The following FGF14 variants were observed in gnomAD, a reference collection of about 807,000 sequenced individuals.
FGF14 encodes the protein fibroblast growth factor 14, also known as fibroblast growth factor homologous factor 4.
Under a neutral mutation model 25.5 loss-of-function variants are expected in FGF14, and 5 were observed. That is an observed-to-expected ratio of 0.20 (90% CI 0.10 to 0.41). The LOEUF (loss-of-function observed/expected upper bound fraction) is 0.41. Among genes scored for constraint, FGF14 ranks in the 10% least tolerant of loss-of-function variants. FGF14 has a pLI of 1.00. For synonymous variants in FGF14, 138 were observed against 118.3 expected, an observed-to-expected ratio of 1.17 and a Z score of -1.08; for missense variants, 222 against 320.1, an observed-to-expected ratio of 0.69 and a Z score of 2.34.
chr13:101,992,438 A>T (rs571220456), intron 1 of FGF14, among the ~76,000 whole-genome samples: 1 of 152,288 alleles, frequency 6.6e-6, no homozygotes, highest in Admixed American at 6.5e-5. Flanking sequence ...CTAAGGGGCA[A>T]AATAAAACAA....
intron 1 of FGF14, among the ~76,000 whole-genome samples, chr13:102,308,961 G>C (rs1016502593): frequency 7.0e-6 from 1 of 143,072 alleles, no homozygotes; most frequent in Non-Finnish European, 1.5e-5. Flanking sequence ...CCTAGAAAAA[G>C]AGCACTCCAA....
intron 1 of FGF14, among the ~76,000 whole-genome samples, chr13:102,398,013 AGTGTGTGTGTGTGTGTGT>A (rs3067869): frequency 1.4e-5 from 2 of 147,152 alleles, no homozygotes; most frequent in African/African-American, 5.0e-5. Context: ...GACATTTAAG[AGTGTGTGTGTGTGTGTGT>A]GTGTGTGTGT....
chr13:101,999,938 T>G (rs998595935), intron 1 of FGF14, among the ~76,000 whole-genome samples: 1 of 152,214 alleles, frequency 6.6e-6, no homozygotes, highest in Non-Finnish European at 1.5e-5. Flanking sequence ...TTCAAAGCTA[T>G]TCTTAACTCT....
chr13:102,333,328 G>A (rs1325452007), intron 1 of FGF14, among the ~76,000 whole-genome samples: 1 of 152,150 alleles, frequency 6.6e-6, no homozygotes, highest in Non-Finnish European at 1.5e-5. Flanking sequence ...GTGAGAATAT[G>A]AGTCATAGAT....
At chr13:101,970,451 T>C (rs2037524017) in intron 1 of FGF14, among the ~76,000 whole-genome samples, 1 of 151,762 alleles carries the variant, frequency 6.6e-6, no homozygotes, top group African/African-American at 2.4e-5. Flanking sequence ...ATTCAGATCC[T>C]GGGATCTGCT....
intron 3 of FGF14, among the ~76,000 whole-genome samples, chr13:101,833,815 G>A (rs1306557659): frequency 1.3e-5 from 2 of 152,088 alleles, no homozygotes; most frequent in Admixed American, 6.6e-5. Flanking sequence ...TTCAAAGCCT[G>A]TCGTTGTGTC....
chr13:101,789,727 A>G lies in FGF14; in HGVS notation c.409-62917T>C, dbSNP rs556723642. On this transcript the variant is annotated intron_variant, in intron 3 of 4. Transcript: ENST00000376143. ...AGAAGACGAATTTTAAAACAAATAT[A>G]TGAAACTTTTTATAGATAGTATTAG... is the stretch of plus-strand genomic sequence containing the variant. Among the ~76,000 whole-genome samples the G allele has an allele frequency of 3.9e-5, 6 of 152,194 alleles. No individual in the cohort carries two copies. In the South Asian group the frequency reaches 1.0e-3, roughly 26 times the overall value.
intron 1 of FGF14, among the ~76,000 whole-genome samples, chr13:102,275,262 T>TTCTCTCTCTC (rs56028235): frequency 4.1e-4 from 28 of 68,984 alleles, no homozygotes; most frequent in African/African-American, 1.4e-3. Context: ...CTCTCTCTCT[T>TTCTCTCTCTC]TCTCTCTCTC....
At chr13:102,013,225 A>G (rs910549879) in intron 1 of FGF14, among the ~76,000 whole-genome samples, 2 of 152,108 alleles carry the variant, frequency 1.3e-5, no homozygotes, top group Admixed American at 1.3e-4. Flanking sequence ...GAGAAGAGCA[A>G]AGAAAAAGAA....
intron 1 of FGF14, among the ~76,000 whole-genome samples, chr13:102,321,008 A>G (rs56356111): frequency 0.024 from 3,580 of 152,256 alleles, 139 homozygotes; most frequent in African/African-American, 0.081. Context: ...GGTAGCTGGT[A>G]CAGTTCATAC....
rs7491369 is a variant in FGF14, at chr13:101,753,284, G to A, written c.409-26474C>T. Among the ~76,000 whole-genome samples, 813 of 116,238 alleles carry A rather than the reference G, an allele frequency of 7.0e-3. 4 individuals carry two copies. The highest frequency in any genetic ancestry group is 0.011 in the Admixed American group (106 of 10,088). The allele number at this position is 116,238 out of a possible 152,430, so 76.3% of individuals were successfully genotyped here. ...ATATGATCAAATACACACACACACA[G>A]ACACACACAGACAGACACACACACA... On this transcript the variant is annotated intron_variant, in intron 3 of 4. Transcript: ENST00000376143.
chr13:102,100,357 A>G (rs2044601000), intron 1 of FGF14, among the ~76,000 whole-genome samples: 1 of 151,562 alleles, frequency 6.6e-6, no homozygotes, highest in South Asian at 2.1e-4. Context: ...TTCCTTCCCA[A>G]CCTTCAGCAA....
At position 101,715,917 on chromosome 13, in the gene FGF14, A is replaced by G. The variant is rs980411267; in HGVS notation, c.*6914T>C. ...AGAGCAATTTTTCCACCCAAAAGTCATTTGGCAACATCTACAGACAATTTT... is the reference window on the plus strand; with the variant it reads ...AGAGCAATTTTTCCACCCAAAAGTCGTTTGGCAACATCTACAGACAATTTT... On this transcript the variant is annotated 3_prime_UTR_variant, in exon 5 of 5. Transcript: ENST00000376143. 1.6e-5 allele frequency: 6 copies of G among 374,100 alleles called. No homozygotes were observed. The highest frequency in any genetic ancestry group is 1.4e-4 in the South Asian group (5 of 34,954). The allele number at this position is 374,100 out of a possible 1,614,324, so 23.2% of individuals were successfully genotyped here.
At chr13:101,942,036 T>C (rs982438967) in intron 1 of FGF14, among the ~76,000 whole-genome samples, 56 of 152,210 alleles carry the variant, frequency 3.7e-4, no homozygotes, top group African/African-American at 9.2e-4. Context: ...GAGAGGCAAA[T>C]TGATTGCTGA....
intron 3 of FGF14, among the ~76,000 whole-genome samples, chr13:101,850,034 A>G (rs982656146): frequency 1.3e-5 from 2 of 151,990 alleles, no homozygotes; most frequent in Non-Finnish European, 2.9e-5. Flanking sequence ...TATAAGAAGC[A>G]AATATGAGAG....
intron 1 of FGF14, among the ~76,000 whole-genome samples, chr13:102,098,520 C>T (rs2044512329): frequency 6.6e-6 from 1 of 152,222 alleles, no homozygotes; most frequent in African/African-American, 2.4e-5. Flanking sequence ...ACTCTTGCAA[C>T]TTTTGTTAAA....
intron 3 of FGF14, among the ~76,000 whole-genome samples, chr13:101,788,432 TTA>T (rs1426431424): frequency 6.6e-6 from 1 of 152,136 alleles, no homozygotes; most frequent in Non-Finnish European, 1.5e-5. Context: ...TATGGGAAAC[TTA>T]TACATGTGTG....
rs2034759192 is a variant in FGF14 at position 101,717,236 on chromosome 13, TAA to T, written c.*5593_*5594del. 2 of 152,140 alleles carry T rather than the reference TAA, an allele frequency of 1.3e-5. No homozygotes were observed. The highest frequency in any genetic ancestry group is 2.9e-5 in the Non-Finnish European group (2 of 68,010). The allele number at this position is 152,140 out of a possible 1,614,324, so 9.4% of individuals were successfully genotyped here. A position where few individuals can be genotyped will look rare whatever the true frequency, so the allele number is the denominator to read the frequency against. ...AAAAATTTAATATTGAAAATTATTT[TAA>T]GAGAACATTTAACTGATCCTGATTT... On this transcript the variant is annotated 3_prime_UTR_variant, in exon 5 of 5. Coordinates refer to ENST00000376143, the MANE Select transcript of FGF14 (RefSeq NM_004115.4).
chr13:101,752,035 A>G (rs998640686), intron 3 of FGF14, among the ~76,000 whole-genome samples: 2 of 152,156 alleles, frequency 1.3e-5, no homozygotes, highest in Admixed American at 1.3e-4. Context: ...TATCTGATCT[A>G]TAGAGGTAAC....
Sources: allele counts gnomAD v4.1 joint callset (sites outside exome capture counted in the v4.1 genomes callset), GRCh38; gene constraint gnomAD v4.1.1; transcripts MANE v1.5; gene names NCBI Gene and HGNC (gene_info 2026-07-23, HGNC 2026-07-21).